GARRE1: variants seen among roughly 807,000 people sequenced by gnomAD.
GARRE1 encodes the protein granule associated Rac and RHOG effector 1, also known as granule associated Rac and RHOG effector protein 1.
A neutral mutation model predicts 103.2 loss-of-function variants in GARRE1; 49 were observed. That is an observed-to-expected ratio of 0.47 (90% CI 0.38 to 0.60). The LOEUF is 0.60. Among genes scored for constraint, GARRE1 ranks in the 20% least tolerant of loss-of-function variants. The pLI, the probability that GARRE1 is intolerant of heterozygous loss-of-function variation, is 0.00. For synonymous variants in GARRE1, 505 were observed against 532.8 expected, an observed-to-expected ratio of 0.95 and a Z score of 0.72; for missense variants, 1,199 against 1,370.5, an observed-to-expected ratio of 0.87 and a Z score of 1.98.
At chr19:34,289,790 T>C (rs2073907427) in intron 1 of GARRE1, among the ~76,000 whole-genome samples, 1 of 152,120 alleles carries the variant, frequency 6.6e-6, no homozygotes, top group South Asian at 2.1e-4. Context: ...TACTGCAGCA[T>C]AGCTTGATCT....
In GARRE1 at chr19:34,293,577, T is replaced by C. The variant is rs1478566286; in HGVS notation, c.-795-6102T>C. ...TGCCCGGTTAATTTTTGTATGTTTT[T>C]GTAGAGACAGGGTTTCGCCATGTTG... On this transcript the variant is annotated intron_variant, in intron 1 of 13. Coordinates refer to ENST00000299505, the MANE Select transcript of GARRE1 (RefSeq NM_014686.5). 2.0e-5 allele frequency among the ~76,000 whole-genome samples: 3 copies of C among 150,416 alleles called. No homozygotes were observed. In the South Asian group the frequency reaches 6.3e-4, roughly 32 times the overall value.
chr19:34,323,232 T>C (rs918537988), intron 3 of GARRE1, among the ~76,000 whole-genome samples: 1 of 151,586 alleles, frequency 6.6e-6, no homozygotes, highest in Non-Finnish European at 1.5e-5. Context: ...AGGGTTTCAC[T>C]GTGTTAGCCA....
intron 2 of GARRE1, among the ~76,000 whole-genome samples, chr19:34,307,303 C>T (rs2074011480): frequency 6.6e-6 from 1 of 152,128 alleles, no homozygotes; most frequent in Admixed American, 6.6e-5. Context: ...TTGCCTTCTT[C>T]ATACTGGGTA....
chr19:34,313,715 C>G (rs2074047361), intron 2 of GARRE1, among the ~76,000 whole-genome samples: 1 of 152,298 alleles, frequency 6.6e-6, no homozygotes, highest in East Asian at 1.9e-4. Flanking sequence ...CTCTGATGGG[C>G]TCTTGAGGCC....
chr19:34,282,666 G>A (rs190130224), intron 1 of GARRE1, among the ~76,000 whole-genome samples: 1 of 152,256 alleles, frequency 6.6e-6, no homozygotes, highest in Admixed American at 6.5e-5. Flanking sequence ...TAATTTGCAG[G>A]AGGTCCCTCT....
intron 1 of GARRE1, among the ~76,000 whole-genome samples, chr19:34,294,311 C>T (rs1161939733): frequency 6.6e-6 from 1 of 151,376 alleles, no homozygotes; most frequent in African/African-American, 2.4e-5. Flanking sequence ...GAGGTCCTGG[C>T]CCCTGAGGAG....
chr19:34,298,123 G>A lies in GARRE1; in HGVS notation c.-795-1556G>A, dbSNP rs531838966. ...ACTATATACCACCATTACATAGGTT[G>A]CAGTTGAATATGTGGTCAAGCACGG... On this transcript the variant is annotated intron_variant, in intron 1 of 13. Transcript: ENST00000299505. Among the ~76,000 whole-genome samples the A allele has an allele frequency of 5.3e-5, 8 of 152,276 alleles. No individual in the cohort carries two copies. The South Asian group carries it at 1.5e-3, about 28-fold the overall frequency.
At chr19:34,310,139 A>G (rs2145250836) in intron 2 of GARRE1, among the ~76,000 whole-genome samples, 1 of 152,366 alleles carries the variant, frequency 6.6e-6, no homozygotes, top group African/African-American at 2.4e-5. Flanking sequence ...TTTGGTGGGC[A>G]GATTAGAAGG....
At chr19:34,259,682 T>G (rs1478680786) in intron 1 of GARRE1, among the ~76,000 whole-genome samples, 2 of 152,180 alleles carry the variant, frequency 1.3e-5, no homozygotes, top group Admixed American at 6.5e-5. Context: ...TTGTTTGTTT[T>G]GTATTTCATT....
chr19:34,339,943 G>A lies in GARRE1; in HGVS notation c.1438G>A (p.Asp480Asn). ...TCCTGAGAAGACCCTGGGTCTAGTGGACGTGCTCTACACAGCTGTGCTGGA... is the reference window on the plus strand; with the variant it reads ...TCCTGAGAAGACCCTGGGTCTAGTGAACGTGCTCTACACAGCTGTGCTGGA... ...LDPEKTLGLVDVLYTAVLDLN... is the reference protein window; with the variant it reads ...LDPEKTLGLVNVLYTAVLDLN... Residue 480 changes from aspartate (D) to asparagine (N), a missense_variant, in exon 9 of 14, where the codon GAC becomes AAC. Transcript: ENST00000299505. 1 of 1,613,938 alleles carries A rather than the reference G, an allele frequency of 6.2e-7. No individual in the cohort carries two copies.
chr19:34,335,046 GAAA>G (rs796763284), intron 8 of GARRE1, among the ~76,000 whole-genome samples: 3 of 130,548 alleles, frequency 2.3e-5, no homozygotes, highest in South Asian at 2.4e-4. Context: ...CCGTCTCCAA[GAAA>G]AAAAAAAAAA....
chr19:34,327,406 C>A lies in GARRE1; in HGVS notation c.706-15C>A. On this transcript the variant is annotated splice_polypyrimidine_tract_variant and intron_variant, in intron 3 of 13. Coordinates refer to ENST00000299505, the MANE Select transcript of GARRE1 (RefSeq NM_014686.5). Reference sequence around the variant, plus strand: ...ACCACCCTCTTTTACCTACCAGTTACTATATATGTTACAGGCGACATCTAG... The same window carrying A: ...ACCACCCTCTTTTACCTACCAGTTAATATATATGTTACAGGCGACATCTAG... 1 of 1,613,604 alleles carries A rather than the reference C, an allele frequency of 6.2e-7. No individual in the cohort carries two copies. The highest frequency in any genetic ancestry group is 8.5e-7 in the Non-Finnish European group (1 of 1,179,706).
At chr19:34,317,875 A>G (rs1027960148) in intron 2 of GARRE1, among the ~76,000 whole-genome samples, 2 of 152,154 alleles carry the variant, frequency 1.3e-5, no homozygotes, top group African/African-American at 4.8e-5. Flanking sequence ...AGGACTAAAT[A>G]GCTGCTGCTT....
chr19:34,305,045 G>A (rs1188982785), intron 2 of GARRE1, among the ~76,000 whole-genome samples: 1 of 151,974 alleles, frequency 6.6e-6, no homozygotes, highest in Non-Finnish European at 1.5e-5. Flanking sequence ...GCCCGTCTCG[G>A]CCTCCCAAAG....
In GARRE1 at chr19:34,342,395, C is replaced by T. The variant is rs1383043124; in HGVS notation, c.2461C>T (p.Arg821Cys). 5.6e-6 allele frequency: 9 copies of T among 1,614,012 alleles called. No homozygotes were observed. Among genetic ancestry groups the T allele is most frequent in the East Asian group, 2.2e-5 (1 of 44,892 alleles). ...QGPRNNTWPN[R>C]DQSDGVFGML... ...ACCTAGAAATAACACCTGGCCCAAC[C>T]GTGACCAAAGTGATGGAGTCTTTGG... is the stretch of plus-strand genomic sequence containing the variant. The change falls in exon 10 of 14, where the codon CGT becomes TGT. Residue 821 changes from arginine (R) to cysteine (C), a missense_variant. Coordinates refer to ENST00000299505, the MANE Select transcript of GARRE1 (RefSeq NM_014686.5).
chr19:34,288,954 A>G (rs911818933), intron 1 of GARRE1, among the ~76,000 whole-genome samples: 2 of 151,912 alleles, frequency 1.3e-5, no homozygotes, highest in Non-Finnish European at 2.9e-5. Context: ...CAACATGGTG[A>G]AACCCTGTTT....
intron 2 of GARRE1, among the ~76,000 whole-genome samples, chr19:34,318,418 C>T (rs1568305038): frequency 6.6e-6 from 1 of 152,220 alleles, no homozygotes; most frequent in Non-Finnish European, 1.5e-5. Flanking sequence ...GCTATAGTTC[C>T]CTGACCTTCA....
chr19:34,344,018 C>T (rs1343674761), intron 10 of GARRE1, among the ~76,000 whole-genome samples: 1 of 152,058 alleles, frequency 6.6e-6, no homozygotes, highest in Non-Finnish European at 1.5e-5. Flanking sequence ...ACAGCAAATG[C>T]AGCAAGACAA....
At chr19:34,256,519 CAAAAAAA>C (rs573908708) in intron 1 of GARRE1, among the ~76,000 whole-genome samples, 2,218 of 106,784 alleles carry the variant, frequency 0.021, 26 homozygotes, top group South Asian at 0.037. Flanking sequence ...GACTCCATCT[CAAAAAAA>C]AAAAAAAAGA....
Sources: allele counts gnomAD v4.1 joint callset (sites outside exome capture counted in the v4.1 genomes callset), GRCh38; gene constraint gnomAD v4.1.1; transcripts MANE v1.5; gene names NCBI Gene and HGNC (gene_info 2026-07-23, HGNC 2026-07-21).